WWC1: variants seen among roughly 807,000 people sequenced by gnomAD.
WWC1 encodes protein KIBRA.
In WWC1, 55 loss-of-function variants were observed where a neutral mutation model predicts 138.4. The observed-to-expected ratio is 0.40, with a 90% confidence interval of 0.32 to 0.50. The LOEUF (loss-of-function observed/expected upper bound fraction) is 0.50. WWC1 is among the 20% of genes least tolerant of loss of function. WWC1 has a pLI of 0.72. For synonymous variants in WWC1, 524 were observed against 564.9 expected (o/e 0.93, Z 1.03); for missense variants, 1,226 against 1,420.4 (o/e 0.86, Z 2.20).
At chr5:168,355,178 C>T (rs1228167122) in intron 1 of WWC1, among the ~76,000 whole-genome samples, 1 of 152,160 alleles carries the variant, frequency 6.6e-6, no homozygotes, top group Non-Finnish European at 1.5e-5. Context: ...TCAGTCAGGC[C>T]TGCCCAGGAA....
At chr5:168,367,919 C>T (rs907620043) in intron 1 of WWC1, among the ~76,000 whole-genome samples, 2 of 149,982 alleles carry the variant, frequency 1.3e-5, no homozygotes, top group Non-Finnish European at 3.0e-5. Flanking sequence ...ATTCAGATAG[C>T]GTTTCAATCT....
chr5:168,461,263 C>T (rs1445477230), intron 20 of WWC1, among the ~76,000 whole-genome samples: 1 of 152,096 alleles, frequency 6.6e-6, no homozygotes, highest in African/African-American at 2.4e-5. Flanking sequence ...ACGCAGGAGG[C>T]AGAGGTTGCA....
chr5:168,416,134 G>C (rs1017934236), intron 9 of WWC1: 1 of 152,194 alleles, frequency 6.6e-6, no homozygotes, highest in Non-Finnish European at 1.5e-5. Context: ...GGTTCCCCAA[G>C]TTCTTGCCTG....
chr5:168,339,836 C>CT (rs796249400), intron 1 of WWC1, among the ~76,000 whole-genome samples: 2 of 109,226 alleles, frequency 1.8e-5, no homozygotes, highest in East Asian at 2.2e-4. Flanking sequence ...CTTTCTTTTT[C>CT]TTTTCTTTCT....
intron 2 of WWC1, among the ~76,000 whole-genome samples, chr5:168,378,116 C>T (rs1777359986): frequency 6.6e-6 from 1 of 152,134 alleles, no homozygotes; most frequent in Non-Finnish European, 1.5e-5. Flanking sequence ...AAAATCATGT[C>T]CTTTGCTGCA....
At chr5:168,421,638 G>A (rs1237865524) in intron 9 of WWC1, among the ~76,000 whole-genome samples, 1 of 152,142 alleles carries the variant, frequency 6.6e-6, no homozygotes, top group Non-Finnish European at 1.5e-5. Context: ...GAGAAGGAGG[G>A]TATGGTTGGG....
At chr5:168,329,016 T>C (rs1772808874) in intron 1 of WWC1, among the ~76,000 whole-genome samples, 1 of 152,226 alleles carries the variant, frequency 6.6e-6, no homozygotes, top group Admixed American at 6.5e-5. Context: ...GAATCAGCTT[T>C]TTCTGGCACG....
At chr5:168,320,593 C>T (rs1771985591) in intron 1 of WWC1, among the ~76,000 whole-genome samples, 1 of 152,140 alleles carries the variant, frequency 6.6e-6, no homozygotes, top group Non-Finnish European at 1.5e-5. Flanking sequence ...AGTCCCATAA[C>T]ATGTGTAAGA....
intron 19 of WWC1, among the ~76,000 whole-genome samples, chr5:168,458,785 G>A (rs1456133264): frequency 2.0e-5 from 3 of 152,180 alleles, no homozygotes; most frequent in African/African-American, 7.2e-5. Context: ...ATGCATTAAA[G>A]TGTCTTTATA....
intron 5 of WWC1, among the ~76,000 whole-genome samples, chr5:168,404,887 CT>C (rs34102475): frequency 0.48 from 67,182 of 140,612 alleles, 15,898 homozygotes; most frequent in East Asian, 0.77. Context: ...TGTCAGGACA[CT>C]TTTTTTTTTT....
At chr5:168,433,001 C>A (rs976238993) in intron 15 of WWC1, among the ~76,000 whole-genome samples, 4 of 152,190 alleles carry the variant, frequency 2.6e-5, no homozygotes, top group African/African-American at 7.2e-5. Flanking sequence ...GATCTGCATG[C>A]GCTATAAAAC....
intron 13 of WWC1, among the ~76,000 whole-genome samples, chr5:168,429,256 ATTTTT>A (rs67280988): frequency 8.6e-6 from 1 of 116,376 alleles, no homozygotes; most frequent in Non-Finnish European, 1.7e-5. Flanking sequence ...TATGATCTCA[ATTTTT>A]TTTTTTTTTT....
chr5:168,335,777 A>G (rs1773403298), intron 1 of WWC1, among the ~76,000 whole-genome samples: 1 of 152,132 alleles, frequency 6.6e-6, no homozygotes, highest in Non-Finnish European at 1.5e-5. Context: ...TTCATTTGCT[A>G]ATTTAATTGT....
intron 5 of WWC1, among the ~76,000 whole-genome samples, chr5:168,400,853 G>A (rs1291881657): frequency 1.4e-5 from 2 of 147,906 alleles, no homozygotes; most frequent in East Asian, 2.0e-4. Flanking sequence ...GGGGAGGGGA[G>A]GAGAGGAAGG....
At chr5:168,318,560 A>ATTT (rs34149697) in intron 1 of WWC1, among the ~76,000 whole-genome samples, 1 of 134,496 alleles carries the variant, frequency 7.4e-6, no homozygotes. Context: ...GTGACTGGCT[A>ATTT]TTTTTTTTTT....
chr5:168,369,275 G>C (rs1458878215), intron 1 of WWC1, among the ~76,000 whole-genome samples: 2 of 152,216 alleles, frequency 1.3e-5, no homozygotes, highest in African/African-American at 4.8e-5. Flanking sequence ...AACAAATGGA[G>C]AGTTAGTACT....
chr5:168,385,218 T>G lies in WWC1; in HGVS notation c.237T>G (p.Thr79=). ...DYFIDHNTKT[T]QIEDPRVQWR... ...CTCTGGGGTCTGTTCCAGAAACCAC[T>G]CAGATTGAGGATCCTCGAGTACAAT... Residue 79 remains threonine, a synonymous_variant, in exon 3 of 23, where the codon ACT becomes ACG. Coordinates refer to ENST00000265293, the MANE Select transcript of WWC1 (RefSeq NM_015238.3). 1 of 1,614,092 alleles carries G rather than the reference T, an allele frequency of 6.2e-7. No individual in the cohort carries two copies. Among genetic ancestry groups the G allele is most frequent in the Admixed American group, 1.7e-5 (1 of 60,004 alleles).
At chr5:168,336,219 A>G (rs1451141977) in intron 1 of WWC1, among the ~76,000 whole-genome samples, 1 of 152,158 alleles carries the variant, frequency 6.6e-6, no homozygotes, top group Non-Finnish European at 1.5e-5. Context: ...TTGATCAGCC[A>G]TCTTTGCTTC....
intron 1 of WWC1, among the ~76,000 whole-genome samples, chr5:168,364,874 C>T (rs964125672): frequency 1.3e-5 from 2 of 152,188 alleles, no homozygotes; most frequent in African/African-American, 4.8e-5. Context: ...GGGTGCATCT[C>T]GCCCTCTAGA....
Sources: gnomAD v4.1 joint callset for allele counts (sites outside exome capture counted in the v4.1 genomes callset) on GRCh38, gnomAD v4.1.1 for gene constraint, MANE v1.5 for transcripts, NCBI Gene and HGNC (gene_info 2026-07-23, HGNC 2026-07-21) for gene names.